LGR5: variants seen among roughly 807,000 people sequenced by gnomAD.
LGR5 encodes the protein leucine-rich repeat-containing G protein-coupled receptor 5.
In LGR5, 54 loss-of-function variants were observed where a neutral mutation model predicts 76.7. The ratio of observed to expected loss-of-function variants is 0.70; its 90% CI spans 0.57 to 0.88. LGR5 has a LOEUF of 0.88. LGR5 is among the 40% of genes least tolerant of loss of function. The probability of loss-of-function intolerance (pLI) is 0.00; values close to 1 mark genes in which losing one functional copy is unlikely to be tolerated. For missense variants in LGR5, 1,078 were observed against 1,073.3 expected (o/e 1.00, Z -0.06); for synonymous variants, 406 against 421.9 (o/e 0.96, Z 0.46).
chr12:71,559,467 C>A, intron 6 of LGR5, 119 bp from the exon 7 acceptor site: 2 of 585,564 alleles, frequency 3.4e-6, no homozygotes. Flanking sequence ...TAAAGAAAAG[C>A]AGTGAGAACT....
At chr12:71,534,920 C>T (rs1261060852) in intron 3 of LGR5, among the ~76,000 whole-genome samples, 195 bp from the exon 4 acceptor site, 1 of 152,156 alleles carries the variant, frequency 6.6e-6, no homozygotes, top group East Asian at 1.9e-4. Context: ...GTACTTATCA[C>T]TTGTCTCATG....
At chr12:71,580,467 G>A in intron 16 of LGR5, 44 bp downstream of exon 16, 1 of 1,558,646 alleles carries the variant, frequency 6.4e-7, no homozygotes, top group Non-Finnish European at 8.8e-7. Flanking sequence ...GTTGTGTTCA[G>A]TGGAACACAT....
intron 1 of LGR5, among the ~76,000 whole-genome samples, chr12:71,486,071 G>C (rs546501004): frequency 1.3e-5 from 2 of 152,084 alleles, no homozygotes; most frequent in Non-Finnish European, 2.9e-5. Flanking sequence ...GCCAATTAAG[G>C]CTGCTTTTTA....
intron 1 of LGR5, among the ~76,000 whole-genome samples, chr12:71,449,562 C>A (rs1192326058): frequency 1.3e-5 from 2 of 152,202 alleles, no homozygotes; most frequent in Non-Finnish European, 2.9e-5. Flanking sequence ...CACCTCCCAG[C>A]TGCTGGCCTT....
chr12:71,471,659 G>A lies in LGR5; in HGVS notation c.212+31367G>A, dbSNP rs76312730. On this transcript the variant is annotated intron_variant, in intron 1 of 17. Coordinates refer to ENST00000266674, the MANE Select transcript of LGR5 (RefSeq NM_003667.4). Reference sequence around the variant, plus strand: ...CTGTTTTGTTTTTTTTTTTTTAAGAGTGAGGGCTCTAAGAAAATTTGTTTT... The same window carrying A: ...CTGTTTTGTTTTTTTTTTTTTAAGAATGAGGGCTCTAAGAAAATTTGTTTT... 9.1e-3 allele frequency among the ~76,000 whole-genome samples: 1,368 copies of A among 150,616 alleles called. 8 individuals are homozygous for A. Among genetic ancestry groups the A allele is most frequent in the Non-Finnish European group, 0.015 (1,015 of 67,710 alleles).
intron 11 of LGR5, among the ~76,000 whole-genome samples, chr12:71,569,812 A>G (rs954916785): frequency 1.4e-4 from 22 of 152,242 alleles, no homozygotes; most frequent in Admixed American, 1.3e-3. Context: ...AACTGGGTAT[A>G]TACCCAAGGG....
At chr12:71,461,230 A>G (rs533970893) in intron 1 of LGR5, among the ~76,000 whole-genome samples, 5 of 152,264 alleles carry the variant, frequency 3.3e-5, no homozygotes, top group African/African-American at 1.2e-4. Context: ...TCATGCATCT[A>G]TGATCTGTCA....
At chr12:71,455,050 G>A (rs1872412350) in intron 1 of LGR5, among the ~76,000 whole-genome samples, 1 of 151,946 alleles carries the variant, frequency 6.6e-6, no homozygotes, top group Non-Finnish European at 1.5e-5. Context: ...TCTTAAACTT[G>A]CCAACACATT....
At chr12:71,480,477 C>G (rs1033600627) in intron 1 of LGR5, among the ~76,000 whole-genome samples, 2 of 152,072 alleles carry the variant, frequency 1.3e-5, no homozygotes, top group South Asian at 4.2e-4. Flanking sequence ...GTACCAGACA[C>G]TTGACCTGTA....
In LGR5 at chr12:71,522,080, G is replaced by A. The variant is rs148881103; in HGVS notation, c.285-2326G>A. On this transcript the variant is annotated intron_variant, in intron 2 of 17. Transcript: ENST00000266674. ...TTTAGGTGGAACAAAGGGCTAGAGG[G>A]GGGAATGTGGAGGGCATGTCTAAAA... 1.1e-4 allele frequency among the ~76,000 whole-genome samples: 17 copies of A among 152,286 alleles called. No homozygotes were observed. The East Asian group carries it at 3.3e-3, about 29-fold the overall frequency.
rs566520900 is a variant in LGR5 at position 71,551,099 on chromosome 12, A to G, written c.429-1974A>G. Among the ~76,000 whole-genome samples, 4 of 152,358 alleles carry G rather than the reference A, an allele frequency of 2.6e-5. No homozygotes were observed. The East Asian group carries it at 7.7e-4, about 29-fold the overall frequency. On this transcript the variant is annotated intron_variant, in intron 4 of 17. Transcript: ENST00000266674. ...TGTTGCTGACAATGATAGTTGTTCT[A>G]TTGGAAATTTAATCGTAAATGGGGT...
At position 71,474,534 on chromosome 12, in the gene LGR5, G is replaced by A. The variant is rs908780560; in HGVS notation, c.213-30080G>A. Among the ~76,000 whole-genome samples the A allele has an allele frequency of 7.2e-5, 11 of 152,258 alleles. No individual in the cohort carries two copies. The South Asian group carries it at 1.2e-3, about 17-fold the overall frequency. On this transcript the variant is annotated intron_variant, in intron 1 of 17. Coordinates refer to ENST00000266674, the MANE Select transcript of LGR5 (RefSeq NM_003667.4). The stretch of plus-strand genomic sequence containing the variant: ...CTACAGAAAAATCTATTTTAAAATC[G>A]ACCCAGTAAGTGGGGAGAAGTTATT...
intron 1 of LGR5, among the ~76,000 whole-genome samples, chr12:71,476,422 CA>C (rs1371996730): frequency 9.9e-5 from 15 of 152,106 alleles, no homozygotes; most frequent in Admixed American, 9.8e-4. Flanking sequence ...AGGAATGATC[CA>C]TCTACTTCTA....
chr12:71,490,966 G>T (rs1255882948), intron 1 of LGR5, among the ~76,000 whole-genome samples: 1 of 152,086 alleles, frequency 6.6e-6, no homozygotes, highest in African/African-American at 2.4e-5. Context: ...GTCATGAGAG[G>T]GACCTGGTGG....
At chr12:71,474,939 C>T (rs764298881) in intron 1 of LGR5, among the ~76,000 whole-genome samples, 2 of 152,050 alleles carry the variant, frequency 1.3e-5, no homozygotes, top group South Asian at 2.1e-4. Context: ...CAGAAGATTC[C>T]GTTGGTGTGC....
rs932687926 is a variant in LGR5, at chr12:71,545,425, G to A, written c.429-7648G>A. 6.6e-5 allele frequency among the ~76,000 whole-genome samples: 10 copies of A among 152,192 alleles called. No homozygotes were observed. In the East Asian group the frequency reaches 7.7e-4, roughly 12 times the overall value. On this transcript the variant is annotated intron_variant, in intron 4 of 17. Transcript: ENST00000266674. ...TGAGATCCTGCCACTGCACTCCAGC[G>A]TGAGTGACAGAGTGAGACCCTGTCT...
At chr12:71,566,091 T>A (rs1349861811) in intron 8 of LGR5, among the ~76,000 whole-genome samples, 5 of 152,166 alleles carry the variant, frequency 3.3e-5, no homozygotes, top group Admixed American at 6.5e-5. Context: ...ATGGATATTC[T>A]ACAGATGTTG....
intron 4 of LGR5, among the ~76,000 whole-genome samples, chr12:71,546,909 G>A (rs1877201980): frequency 6.6e-6 from 1 of 152,168 alleles, no homozygotes. Context: ...AGTTATTGAG[G>A]CCCCTCAGGG....
intron 3 of LGR5, among the ~76,000 whole-genome samples, chr12:71,534,736 C>T (rs990369302): frequency 3.3e-5 from 5 of 152,334 alleles, no homozygotes; most frequent in African/African-American, 1.2e-4. Flanking sequence ...ACTTACTCTT[C>T]TCTTTTCCTT....
Sources: gnomAD v4.1 joint callset for allele counts (sites outside exome capture counted in the v4.1 genomes callset) on GRCh38, gnomAD v4.1.1 for gene constraint, MANE v1.5 for transcripts, NCBI Gene and HGNC (gene_info 2026-07-23, HGNC 2026-07-21) for gene names.